The following SEMA3D variants were observed in gnomAD, a reference collection of about 807,000 sequenced individuals.
The protein encoded by SEMA3D is semaphorin-3D.
Under a neutral mutation model 100.1 loss-of-function variants are expected in SEMA3D, and 84 were observed. The ratio of observed to expected loss-of-function variants is 0.84; its 90% CI spans 0.70 to 1.01. SEMA3D has a LOEUF of 1.01. SEMA3D is among the 50% of genes least tolerant of loss of function. The pLI is 0.00. For synonymous variants in SEMA3D, 312 were observed against 320.7 expected (o/e 0.97, Z 0.29); for missense variants, 875 against 934.1 (o/e 0.94, Z 0.82).
chr7:85,124,579 C>T (rs1270865161), intron 2 of SEMA3D, among the ~76,000 whole-genome samples: 2 of 151,898 alleles, frequency 1.3e-5, no homozygotes, highest in African/African-American at 4.8e-5. Context: ...TGCAAGATAA[C>T]TCAAAGGAGT....
chr7:85,165,980 A>G (rs1252137807), intron 1 of SEMA3D, among the ~76,000 whole-genome samples: 1 of 152,094 alleles, frequency 6.6e-6, no homozygotes, highest in Non-Finnish European at 1.5e-5. Flanking sequence ...TAACAAAATT[A>G]TATAAATATG....
At chr7:85,060,168 G>A (rs746398144) in intron 8 of SEMA3D, among the ~76,000 whole-genome samples, 1 of 152,152 alleles carries the variant, frequency 6.6e-6, no homozygotes, top group Non-Finnish European at 1.5e-5. Context: ...TGTAAAAAAT[G>A]TTTTGCAAGG....
At chr7:85,125,332 T>C (rs1256204741) in intron 2 of SEMA3D, among the ~76,000 whole-genome samples, 1 of 152,046 alleles carries the variant, frequency 6.6e-6, no homozygotes. Context: ...TGGCTATGCA[T>C]TGAGATACCT....
intron 1 of SEMA3D, among the ~76,000 whole-genome samples, chr7:85,177,980 C>T (rs904268030): frequency 5.9e-5 from 9 of 152,210 alleles, no homozygotes; most frequent in African/African-American, 2.2e-4. Context: ...ATGCTGTTCT[C>T]GTGATAGTGA....
chr7:85,196,823 A>C, the SEMA3D span, among the ~76,000 whole-genome samples: 1 of 152,200 alleles, frequency 6.6e-6, no homozygotes, highest in Non-Finnish European at 1.5e-5. Context: ...GACTAAAATG[A>C]AAAAGACAAA....
intron 3 of SEMA3D, among the ~76,000 whole-genome samples, chr7:85,119,201 G>A (rs1386450421): frequency 6.6e-5 from 10 of 152,220 alleles, no homozygotes; most frequent in Non-Finnish European, 7.3e-5. Flanking sequence ...GTGGAAGACA[G>A]TGTGGCAATT....
intron 15 of SEMA3D, among the ~76,000 whole-genome samples, chr7:85,015,904 G>A (rs1021771434): frequency 1.3e-5 from 2 of 151,650 alleles, no homozygotes; most frequent in African/African-American, 2.4e-5. Flanking sequence ...GGTGGAGGGG[G>A]AGGGGTGATA....
the SEMA3D span, among the ~76,000 whole-genome samples, chr7:85,234,574 C>G: frequency 6.6e-6 from 1 of 152,192 alleles, no homozygotes; most frequent in African/African-American, 2.4e-5. Context: ...ACCTACAGAG[C>G]TTTTAAGCTC....
At chr7:85,177,664 T>C (rs1791276961) in intron 1 of SEMA3D, among the ~76,000 whole-genome samples, 2 of 152,202 alleles carry the variant, frequency 1.3e-5, no homozygotes, top group South Asian at 2.1e-4. Flanking sequence ...ATTACAATCA[T>C]AATTTGAAAT....
At chr7:85,153,104 C>T (rs1790476319) in intron 2 of SEMA3D, among the ~76,000 whole-genome samples, 1 of 152,082 alleles carries the variant, frequency 6.6e-6, no homozygotes, top group Non-Finnish European at 1.5e-5. Context: ...GCAAAATTTC[C>T]CACAGTCCTC....
At position 85,083,599 on chromosome 7, in the gene SEMA3D, T is replaced by C. The variant is rs568748647; in HGVS notation, c.313-2020A>G. On this transcript the variant is annotated intron_variant, in intron 4 of 18. Transcript: ENST00000284136. Reference sequence around the variant, plus strand: ...GTGGCTCACGCCTGTAATCCCAGCATTTTGGGAGGCCGAGGCGGGCGGATC... The same window carrying C: ...GTGGCTCACGCCTGTAATCCCAGCACTTTGGGAGGCCGAGGCGGGCGGATC... Among the ~76,000 whole-genome samples, 1,383 of 139,904 alleles carry C rather than the reference T, an allele frequency of 9.9e-3. 21 individuals carry two copies. The highest frequency in any genetic ancestry group is 0.033 in the African/African-American group (1,259 of 38,314). 91.8% of individuals were successfully genotyped at this position (139,904 alleles called of 152,430 possible).
At chr7:85,247,003 T>G in the SEMA3D span, among the ~76,000 whole-genome samples, 55 of 151,632 alleles carry the variant, frequency 3.6e-4, no homozygotes, top group Admixed American at 9.2e-4. Context: ...TTTGGTAAAA[T>G]AATTTCATTT....
At chr7:85,223,193 A>G in the SEMA3D span, among the ~76,000 whole-genome samples, 1 of 152,180 alleles carries the variant, frequency 6.6e-6, no homozygotes, top group African/African-American at 2.4e-5. Context: ...ACCCTTTTAC[A>G]CTGCCAGTGG....
chr7:85,019,798 A>T lies in SEMA3D; in HGVS notation c.1503+435T>A, dbSNP rs115890235. On this transcript the variant is annotated intron_variant, in intron 14 of 18. Coordinates refer to ENST00000284136, the MANE Select transcript of SEMA3D (RefSeq NM_001384900.1). ...TTAGCATACATGAAGACTTACTATG[A>T]TGCAACCTATATATTTTTTTAATTT... Among the ~76,000 whole-genome samples the T allele has an allele frequency of 2.0e-3, 299 of 151,756 alleles. 1 individual carries two copies. The highest frequency in any genetic ancestry group is 6.6e-3 in the African/African-American group (273 of 41,510).
chr7:85,074,186 G>A (rs981865909), intron 5 of SEMA3D, among the ~76,000 whole-genome samples: 1 of 152,234 alleles, frequency 6.6e-6, no homozygotes, highest in East Asian at 1.9e-4. Context: ...CAAGTGTTGG[G>A]TTATTAAGGA....
chr7:85,034,218 T>C (rs1357424854), intron 12 of SEMA3D, among the ~76,000 whole-genome samples: 1 of 152,128 alleles, frequency 6.6e-6, no homozygotes, highest in Non-Finnish European at 1.5e-5. Flanking sequence ...AATATCCCCA[T>C]ATCCTAAGTG....
the SEMA3D span, among the ~76,000 whole-genome samples, chr7:85,220,730 A>G: frequency 6.6e-6 from 1 of 152,154 alleles, no homozygotes; most frequent in Non-Finnish European, 1.5e-5. Flanking sequence ...TTGCCTGATA[A>G]AGAAACAGTG....
chr7:85,015,229 C>A lies in SEMA3D; in HGVS notation c.1546-13G>T. Reference sequence around the variant, plus strand: ...TGTACAATTGTTGCTGCAAATCGGGCAAAACAAATGAATTAGAAGCATCTT... The same window carrying A: ...TGTACAATTGTTGCTGCAAATCGGGAAAAACAAATGAATTAGAAGCATCTT... On this transcript the variant is annotated splice_polypyrimidine_tract_variant and intron_variant, in intron 15 of 18. Transcript: ENST00000284136. 1.9e-6 allele frequency: 3 copies of A among 1,600,050 alleles called. No individual in the cohort carries two copies. The highest frequency in any genetic ancestry group is 1.7e-4 in the Middle Eastern group (1 of 6,000).
chr7:85,045,957 A>T (rs945265762), intron 9 of SEMA3D, among the ~76,000 whole-genome samples: 2 of 151,848 alleles, frequency 1.3e-5, no homozygotes, highest in Non-Finnish European at 2.9e-5. Flanking sequence ...GTATTTATTA[A>T]ATTTTCTTTG....
Sources: allele counts gnomAD v4.1 joint callset (sites outside exome capture counted in the v4.1 genomes callset), GRCh38; gene constraint gnomAD v4.1.1; transcripts MANE v1.5; gene names NCBI Gene and HGNC (gene_info 2026-07-23, HGNC 2026-07-21).